DCDC1: variants seen among roughly 807,000 people sequenced by gnomAD.
DCDC1 encodes doublecortin domain containing 1.
DCDC1 carries 200 observed loss-of-function variants against 178.3 expected under a neutral mutation model. The observed-to-expected ratio is 1.12, with a 90% CI of 1.00 to 1.26. The LOEUF is 1.26. Among genes scored for constraint, DCDC1 ranks in the 50% most tolerant of loss-of-function variants. The pLI is 0.00. For synonymous variants in DCDC1, 690 were observed against 604.8 expected (o/e 1.14, Z -2.07); for missense variants, 1,983 against 1,749.2 (o/e 1.13, Z -2.38).
At chr11:31,301,631 A>AT (rs1948122353) in intron 6 of DCDC1, among the ~76,000 whole-genome samples, 1 of 152,346 alleles carries the variant, frequency 6.6e-6, no homozygotes, top group South Asian at 2.1e-4. Flanking sequence ...AGAACATTTC[A>AT]TTATGGACGC....
chr11:31,208,339 C>T, intron 9 of DCDC1, among the ~76,000 whole-genome samples: 1 of 152,144 alleles, frequency 6.6e-6, no homozygotes, highest in East Asian at 1.9e-4. Context: ...CTTGCCTTTC[C>T]CTCACACACA....
chr11:31,027,404 G>A (rs752416106), intron 20 of DCDC1, among the ~76,000 whole-genome samples: 3 of 151,700 alleles, frequency 2.0e-5, no homozygotes, highest in East Asian at 1.9e-4. Flanking sequence ...TTTCTAAGTC[G>A]GCAGATAGTT....
chr11:30,940,708 G>C (rs144589459), intron 21 of DCDC1, among the ~76,000 whole-genome samples: 1 of 152,152 alleles, frequency 6.6e-6, no homozygotes, highest in Admixed American at 6.5e-5. Context: ...ATTTGACTTT[G>C]ATGACTCTGG....
At chr11:31,179,538 C>A (rs1968507548) in intron 9 of DCDC1, among the ~76,000 whole-genome samples, 1 of 152,116 alleles carries the variant, frequency 6.6e-6, no homozygotes, top group South Asian at 2.1e-4. Context: ...GTGAATGAAT[C>A]TAGACATCAT....
chr11:31,256,568 C>T (rs193291594), intron 8 of DCDC1, among the ~76,000 whole-genome samples: 13 of 152,186 alleles, frequency 8.5e-5, no homozygotes, highest in Admixed American at 2.0e-4. Flanking sequence ...CACTGAGTGG[C>T]GTCATGTTTT....
At chr11:30,971,775 AATTTTTTGT>A (rs1949813253) in intron 20 of DCDC1, among the ~76,000 whole-genome samples, 1 of 151,820 alleles carries the variant, frequency 6.6e-6, no homozygotes, top group Admixed American at 6.6e-5. Flanking sequence ...ACGCCCAGCT[AATTTTTTGT>A]ATTTTTAGTA....
chr11:31,266,830 ACTTTC>A (rs1223984011), intron 7 of DCDC1, among the ~76,000 whole-genome samples: 1 of 152,216 alleles, frequency 6.6e-6, no homozygotes, highest in Non-Finnish European at 1.5e-5. Flanking sequence ...GCAAAGTTGC[ACTTTC>A]CTTTCAGCCT....
intron 8 of DCDC1, among the ~76,000 whole-genome samples, chr11:31,243,932 G>C (rs1469201996): frequency 6.6e-6 from 1 of 151,686 alleles, no homozygotes; most frequent in Non-Finnish European, 1.5e-5. Flanking sequence ...ATAAAGGTTA[G>C]CCTCTGAACT....
At chr11:31,315,363 G>A (rs1305890775) in intron 3 of DCDC1, among the ~76,000 whole-genome samples, 2 of 120,496 alleles carry the variant, frequency 1.7e-5, no homozygotes, top group Non-Finnish European at 3.2e-5. Flanking sequence ...TGTCACCCAG[G>A]CTGGAGTACA....
intron 11 of DCDC1, among the ~76,000 whole-genome samples, chr11:31,119,519 T>A (rs570813888): frequency 6.6e-6 from 1 of 152,146 alleles, no homozygotes; most frequent in South Asian, 2.1e-4. Context: ...ACAATGGAAA[T>A]AACGTAATAT....
At chr11:31,179,038 AAG>A (rs1968441349) in intron 9 of DCDC1, among the ~76,000 whole-genome samples, 1 of 152,132 alleles carries the variant, frequency 6.6e-6, no homozygotes, top group Admixed American at 6.5e-5. Context: ...TACTTCTCAA[AAG>A]AGAATATAAA....
Position 30,922,564 on chromosome 11 carries a change from C to T in DCDC1, c.3072G>A (p.Leu1024=). 1.9e-6 allele frequency: 3 copies of T among 1,587,414 alleles called. No individual in the cohort carries two copies. Among genetic ancestry groups the T allele is most frequent in the East Asian group, 2.3e-5 (1 of 42,872 alleles). ...TGGCAATGTCTGATTCTAGGTTCCT[C>T]AGGAATATTTGTTTCTTTTGCTGAG... ...SIAQQKKQIF[L]RNLESDIAKI... The change falls in exon 24 of 39, where the codon CTG becomes CTA. Residue 1024 remains leucine, a synonymous_variant. Coordinates refer to ENST00000684477, the MANE Select transcript of DCDC1 (RefSeq NM_001387274.1).
At position 31,173,936 on chromosome 11, in the gene DCDC1, T is replaced by C. The variant is rs75402188; in HGVS notation, c.1222-36152A>G. ...CTGTCTAGGGCAGCTGCTGCCATGATGCTAGCTGCAGTGGGGGAGGTTTGG... is the reference window on the plus strand; with the variant it reads ...CTGTCTAGGGCAGCTGCTGCCATGACGCTAGCTGCAGTGGGGGAGGTTTGG... On this transcript the variant is annotated intron_variant, in intron 9 of 38. Transcript: ENST00000684477. Among the ~76,000 whole-genome samples, 230 of 152,326 alleles carry C rather than the reference T, an allele frequency of 1.5e-3. 1 individual carries two copies. Among genetic ancestry groups the C allele is most frequent in the Middle Eastern group, 0.01 (3 of 294 alleles).
At chr11:31,289,494 A>C (rs1947068956) in intron 7 of DCDC1, among the ~76,000 whole-genome samples, 1 of 152,052 alleles carries the variant, frequency 6.6e-6, no homozygotes, top group African/African-American at 2.4e-5. Context: ...AAACCACCAC[A>C]AAAATAAATA....
intron 7 of DCDC1, among the ~76,000 whole-genome samples, chr11:31,280,283 C>A (rs1329730073): frequency 6.6e-6 from 1 of 152,122 alleles, no homozygotes; most frequent in East Asian, 1.9e-4. Flanking sequence ...GGTTCTGAGA[C>A]AGTGAAGGAA....
At chr11:31,331,338 T>C (rs887686560) in intron 2 of DCDC1, among the ~76,000 whole-genome samples, 3 of 152,216 alleles carry the variant, frequency 2.0e-5, no homozygotes, top group Non-Finnish European at 4.4e-5. Flanking sequence ...CAGGGACAAT[T>C]TGACTTCCTC....
At chr11:31,028,437 G>A (rs147769572) in intron 20 of DCDC1, among the ~76,000 whole-genome samples, 107 of 151,840 alleles carry the variant, frequency 7.0e-4, no homozygotes, top group Non-Finnish European at 1.2e-3. Context: ...TATCAAATAC[G>A]CTAACTAGAG....
intron 20 of DCDC1, among the ~76,000 whole-genome samples, chr11:31,059,414 T>C (rs1363837870): frequency 6.6e-6 from 1 of 152,038 alleles, no homozygotes; most frequent in Non-Finnish European, 1.5e-5. Flanking sequence ...AAATATACAA[T>C]AATTTCATGT....
intron 1 of DCDC1, among the ~76,000 whole-genome samples, chr11:31,357,005 G>A (rs1951413837): frequency 6.6e-6 from 1 of 150,932 alleles, no homozygotes; most frequent in African/African-American, 2.4e-5. Context: ...TTCTACCAGA[G>A]GTACAAGGAG....
Sources: allele counts gnomAD v4.1 joint callset (sites outside exome capture counted in the v4.1 genomes callset), GRCh38; gene constraint gnomAD v4.1.1; transcripts MANE v1.5; gene names NCBI Gene and HGNC (gene_info 2026-07-23, HGNC 2026-07-21).